ADGRL2: variants seen among roughly 807,000 people sequenced by gnomAD.
ADGRL2 encodes the protein adhesion G protein-coupled receptor L2, also known as calcium-independent alpha-latrotoxin receptor 2.
Under a neutral mutation model 157.4 loss-of-function variants are expected in ADGRL2, and 44 were observed. The observed-to-expected ratio is 0.28, with a 90% CI of 0.22 to 0.36. The LOEUF (loss-of-function observed/expected upper bound fraction) is 0.36, where lower values mean the gene tolerates loss of function less well. Among genes scored for constraint, ADGRL2 ranks in the 10% least tolerant of loss-of-function variants. The pLI, the probability that ADGRL2 is intolerant of heterozygous loss-of-function variation, is 1.00. For synonymous variants in ADGRL2, 585 were observed against 624.7 expected, an observed-to-expected ratio of 0.94 and a Z score of 0.95; for missense variants, 1,510 against 1,768.9, an observed-to-expected ratio of 0.85 and a Z score of 2.63.
intron 2 of ADGRL2, among the ~76,000 whole-genome samples, chr1:81,853,455 T>C (rs2150567220): frequency 6.6e-6 from 1 of 152,272 alleles, no homozygotes; most frequent in South Asian, 2.1e-4. Flanking sequence ...TTTTACCCCC[T>C]AATGTCCTGA....
intron 2 of ADGRL2, among the ~76,000 whole-genome samples, chr1:81,901,712 G>T (rs1018149527): frequency 5.9e-5 from 9 of 152,038 alleles, no homozygotes; most frequent in Non-Finnish European, 4.4e-5. Context: ...TAGTGAAAAT[G>T]TTGGGTTTTA....
chr1:81,733,902 G>A (rs191460564), intron 1 of ADGRL2, among the ~76,000 whole-genome samples: 12 of 152,236 alleles, frequency 7.9e-5, no homozygotes, highest in Non-Finnish European at 1.3e-4. Flanking sequence ...TAATACCTGG[G>A]TGATGAAATA....
At chr1:81,384,372 T>C (rs2076398501) in intron 1 of ADGRL2, among the ~76,000 whole-genome samples, 2 of 152,294 alleles carry the variant, frequency 1.3e-5, no homozygotes, top group Admixed American at 6.5e-5. Flanking sequence ...TGTGCACGCA[T>C]GTTTGTGACT....
At chr1:81,636,958 C>A (rs1570700472) in intron 3 of ADGRL2, among the ~76,000 whole-genome samples, 2 of 152,250 alleles carry the variant, frequency 1.3e-5, no homozygotes, top group South Asian at 2.1e-4. Context: ...GCCTCAACCT[C>A]CCGAGTAGCT....
intron 2 of ADGRL2, among the ~76,000 whole-genome samples, chr1:81,571,616 C>T (rs1416576914): frequency 1.3e-5 from 2 of 151,556 alleles, no homozygotes; most frequent in Admixed American, 6.6e-5. Context: ...CTGACAGCAC[C>T]ATCAAGATAG....
intron 1 of ADGRL2, among the ~76,000 whole-genome samples, chr1:81,355,994 C>G (rs1465308530): frequency 6.6e-6 from 1 of 151,962 alleles, no homozygotes; most frequent in African/African-American, 2.4e-5. Context: ...ATTTTTTTAT[C>G]TCAGGGTATG....
At chr1:81,530,297 T>C (rs2079566555) in intron 2 of ADGRL2, among the ~76,000 whole-genome samples, 1 of 152,154 alleles carries the variant, frequency 6.6e-6, no homozygotes, top group Non-Finnish European at 1.5e-5. Context: ...AGCTGCCCCT[T>C]CCTCAAGGTG....
intron 3 of ADGRL2, among the ~76,000 whole-genome samples, chr1:81,909,029 C>G (rs531897289): frequency 1.3e-5 from 2 of 152,080 alleles, no homozygotes; most frequent in East Asian, 3.9e-4. Context: ...TGCAAGCCAC[C>G]AAGCCCGGCT....
intron 2 of ADGRL2, among the ~76,000 whole-genome samples, chr1:81,499,198 A>G (rs546921547): frequency 6.6e-6 from 1 of 152,402 alleles, no homozygotes; most frequent in South Asian, 2.1e-4. Flanking sequence ...TTCGAGAAGT[A>G]AATTACAATG....
At chr1:81,420,724 G>T (rs2077109375) in intron 1 of ADGRL2, among the ~76,000 whole-genome samples, 1 of 152,084 alleles carries the variant, frequency 6.6e-6, no homozygotes, top group Non-Finnish European at 1.5e-5. Flanking sequence ...CGTGCTTAGG[G>T]TCTAAAGGCC....
At chr1:81,531,892 C>A (rs2079608512) in intron 2 of ADGRL2, among the ~76,000 whole-genome samples, 2 of 152,154 alleles carry the variant, frequency 1.3e-5, no homozygotes, top group Non-Finnish European at 2.9e-5. Flanking sequence ...ATACTTTAGA[C>A]ACCGTAAAAC....
chr1:81,722,711 C>T (rs2084374014), intron 1 of ADGRL2: 3 of 976,100 alleles, frequency 3.1e-6, no homozygotes, highest in Admixed American at 3.4e-5. Flanking sequence ...ATGAGCGAAA[C>T]GTGAAGAGCG....
intron 2 of ADGRL2, among the ~76,000 whole-genome samples, chr1:81,523,995 G>T (rs1454418798): frequency 1.3e-5 from 2 of 151,898 alleles, no homozygotes; most frequent in Middle Eastern, 3.2e-3. Flanking sequence ...AACCCGGGAG[G>T]TGAAGGTTGC....
intron 2 of ADGRL2, among the ~76,000 whole-genome samples, chr1:81,840,195 C>T (rs893657470): frequency 5.3e-5 from 8 of 152,064 alleles, no homozygotes; most frequent in Non-Finnish European, 1.0e-4. Context: ...GATTACCATT[C>T]CAGTATTTAG....
chr1:81,863,909 GTAGA>G (rs754140114), intron 2 of ADGRL2, among the ~76,000 whole-genome samples: 1 of 152,136 alleles, frequency 6.6e-6, no homozygotes, highest in African/African-American at 2.4e-5. Context: ...CTGAAGAGCA[GTAGA>G]TACTTTCTTT....
chr1:81,779,477 T>C (rs1271214471), intron 2 of ADGRL2, among the ~76,000 whole-genome samples: 1 of 152,224 alleles, frequency 6.6e-6, no homozygotes, highest in African/African-American at 2.4e-5. Flanking sequence ...CATTTCATAC[T>C]AAGGAAAAGC....
At chr1:81,942,758 A>G in intron 5 of ADGRL2, 1 of 607,908 alleles carries the variant, frequency 1.6e-6, no homozygotes, top group Non-Finnish European at 3.0e-6. Flanking sequence ...TGTTAGTGAA[A>G]ATAAACATAA....
intron 1 of ADGRL2, among the ~76,000 whole-genome samples, chr1:81,341,364 G>A (rs904561426): frequency 1.3e-5 from 2 of 152,030 alleles, no homozygotes; most frequent in African/African-American, 4.8e-5. Flanking sequence ...TTAAAGACAT[G>A]TCATCTCTGT....
At chr1:81,640,089 T>C (rs2082189156) in intron 3 of ADGRL2, among the ~76,000 whole-genome samples, 1 of 152,188 alleles carries the variant, frequency 6.6e-6, no homozygotes, top group South Asian at 2.1e-4. Context: ...AGTAGTAGTC[T>C]CTCTGGTACC....
Sources: allele counts gnomAD v4.1 joint callset (sites outside exome capture counted in the v4.1 genomes callset), GRCh38; gene constraint gnomAD v4.1.1; transcripts MANE v1.5; gene names NCBI Gene and HGNC (gene_info 2026-07-23, HGNC 2026-07-21).